PLEKHM2: variants seen among roughly 807,000 people sequenced by gnomAD.
The protein encoded by PLEKHM2 is pleckstrin homology domain-containing family M member 2.
In PLEKHM2, 77 loss-of-function variants were observed where a neutral mutation model predicts 116.3. The observed-to-expected ratio is 0.66, with a 90% CI of 0.55 to 0.80. The LOEUF (loss-of-function observed/expected upper bound fraction) is 0.80. PLEKHM2 is among the 30% of genes least tolerant of loss of function. PLEKHM2 has a pLI of 0.00. For missense variants in PLEKHM2, 1,183 were observed against 1,354.9 expected, an observed-to-expected ratio of 0.87 and a Z score of 1.99; for synonymous variants, 562 against 571.0, an observed-to-expected ratio of 0.98 and a Z score of 0.22.
At chr1:15,710,227 C>CA (rs377012331) in intron 1 of PLEKHM2, among the ~76,000 whole-genome samples, 1,023 of 73,924 alleles carry the variant, frequency 0.014, 4 homozygotes, top group South Asian at 0.022. Context: ...ACTCCATCTC[C>CA]AAAAAAAAAA....
chr1:15,732,071 G>A (rs1002419311), intron 17 of PLEKHM2, 23 bp downstream of exon 17: 8 of 1,601,758 alleles, frequency 5.0e-6, no homozygotes, highest in East Asian at 2.2e-5. Context: ...TGCCCCTACC[G>A]CTCACCTGGC....
intron 7 of PLEKHM2, among the ~76,000 whole-genome samples, chr1:15,722,342 C>A (rs2068006155): frequency 6.6e-6 from 1 of 152,162 alleles, no homozygotes; most frequent in Admixed American, 6.5e-5. Context: ...CAGGGTTTCA[C>A]CATGTTGGCC....
At chr1:15,694,984 C>T in intron 1 of PLEKHM2, among the ~76,000 whole-genome samples, 1 of 152,162 alleles carries the variant, frequency 6.6e-6, no homozygotes, top group East Asian at 1.9e-4. Flanking sequence ...TCTTGAACTT[C>T]TGACATCAAG....
chr1:15,707,705 T>A (rs566931146), intron 1 of PLEKHM2, among the ~76,000 whole-genome samples: 5 of 152,298 alleles, frequency 3.3e-5, no homozygotes, highest in African/African-American at 9.6e-5. Context: ...GCAGCTTTTT[T>A]TAAAACTGAC....
At chr1:15,708,551 C>T (rs529260430) in intron 1 of PLEKHM2, among the ~76,000 whole-genome samples, 4 of 152,202 alleles carry the variant, frequency 2.6e-5, no homozygotes, top group Admixed American at 6.6e-5. Context: ...TCCCCTAAAA[C>T]GTATTAGGAG....
intron 1 of PLEKHM2, among the ~76,000 whole-genome samples, chr1:15,700,383 G>A (rs753695908): frequency 7.4e-4 from 112 of 152,276 alleles, no homozygotes; most frequent in South Asian, 2.5e-3. Context: ...AGCTACCCCT[G>A]TGTGTGAGCA....
rs1227182422 is a variant in PLEKHM2 at position 15,721,565 on chromosome 1, A to G, written c.712+177A>G. On this transcript the variant is annotated intron_variant, in intron 7 of 19. Transcript: ENST00000375799. The surrounding 1 kb of genome is among the most constrained non-coding windows in gnomAD (Gnocchi z 5.1). Reference sequence around the variant, plus strand: ...CAGTGGGAAAACTCAACCTCTAGCCATAGGCAAATCCCTTCTCCCAGTGCA... The same window carrying G: ...CAGTGGGAAAACTCAACCTCTAGCCGTAGGCAAATCCCTTCTCCCAGTGCA... 6.6e-6 allele frequency among the ~76,000 whole-genome samples: 1 copy of G among 152,218 alleles called. No homozygotes were observed. Among genetic ancestry groups the G allele is most frequent in the African/African-American group, 2.4e-5 (1 of 41,460 alleles).
At chr1:15,708,378 G>A (rs1022434738) in intron 1 of PLEKHM2, among the ~76,000 whole-genome samples, 13 of 150,590 alleles carry the variant, frequency 8.6e-5, no homozygotes, top group African/African-American at 1.5e-4. Flanking sequence ...CACCACGCCC[G>A]GCTAATTTTT....
rs1287286011 is a variant in PLEKHM2, at chr1:15,716,222, T to G, written c.61-15T>G. The G allele has an allele frequency of 1.4e-6, 2 of 1,470,276 alleles. No individual in the cohort carries two copies. Among genetic ancestry groups the G allele is most frequent in the Admixed American group, 3.9e-5 (2 of 50,698 alleles). 91.1% of individuals were successfully genotyped at this position (1,470,276 alleles called of 1,614,324 possible). A position where few individuals can be genotyped will look rare whatever the true frequency, so the allele number is the denominator to read the frequency against. ...TAATCCATTTCTGATTTGGAGGTGTTTTTTTTTCTTTCAGTTGCAGAGCTA... is the reference window on the plus strand; with the variant it reads ...TAATCCATTTCTGATTTGGAGGTGTGTTTTTTTCTTTCAGTTGCAGAGCTA... On this transcript the variant is annotated splice_polypyrimidine_tract_variant and intron_variant, in intron 1 of 19. Coordinates refer to ENST00000375799, the MANE Select transcript of PLEKHM2 (RefSeq NM_015164.4).
At chr1:15,703,820 G>C (rs1339889215) in intron 1 of PLEKHM2, among the ~76,000 whole-genome samples, 1 of 152,172 alleles carries the variant, frequency 6.6e-6, no homozygotes, top group Non-Finnish European at 1.5e-5. Context: ...AGCCTTCCCA[G>C]AGCGCCTGGG....
chr1:15,721,653 A>C lies in PLEKHM2; in HGVS notation c.712+265A>C, dbSNP rs1416140406. On this transcript the variant is annotated intron_variant, in intron 7 of 19. Transcript: ENST00000375799. The surrounding 1 kb of genome is among the most constrained non-coding windows in gnomAD (Gnocchi z 5.1). ...TAAGTGGCTGCATTTCGGGGGATACAGGGTCACCCTTCCTGATTCCAGTGC... is the reference window on the plus strand; with the variant it reads ...TAAGTGGCTGCATTTCGGGGGATACCGGGTCACCCTTCCTGATTCCAGTGC... 1.3e-5 allele frequency among the ~76,000 whole-genome samples: 2 copies of C among 151,978 alleles called. No individual in the cohort carries two copies. Among genetic ancestry groups the C allele is most frequent in the Non-Finnish European group, 2.9e-5 (2 of 67,988 alleles).
rs182286239 is a variant in PLEKHM2, at chr1:15,719,426, G to A, written c.466-308G>A. On this transcript the variant is annotated intron_variant, in intron 5 of 19. Coordinates refer to ENST00000375799, the MANE Select transcript of PLEKHM2 (RefSeq NM_015164.4). This position sits in a 1 kb window ranked among gnomAD's most constrained non-coding sequence, Gnocchi z 4.1. ...GAGCCACGTCATTGCACTCCAGCCA[G>A]GGCAACAGAGTGAGACTCTGTCTCA... Among the ~76,000 whole-genome samples, 62 of 149,454 alleles carry A rather than the reference G, an allele frequency of 4.1e-4. No homozygotes were observed. Among genetic ancestry groups the A allele is most frequent in the African/African-American group, 1.4e-3 (57 of 39,448 alleles).
Position 15,729,732 on chromosome 1 carries a change from C to T in PLEKHM2, c.2076-65C>T, listed in dbSNP as rs1192348936. The T allele has an allele frequency of 1.4e-6, 2 of 1,466,480 alleles. No individual in the cohort carries two copies. Among genetic ancestry groups the T allele is most frequent in the African/African-American group, 1.4e-5 (1 of 71,044 alleles). The allele number at this position is 1,466,480 out of a possible 1,614,324, so 90.8% of individuals were successfully genotyped here. ...CCCTCCAGGCCAGCAGCGCTCAAGA[C>T]TAAGCCCTGTCCAGTTGAGGCCCTG... is the stretch of plus-strand genomic sequence containing the variant. On this transcript the variant is annotated intron_variant, in intron 13 of 19. Transcript: ENST00000375799. The surrounding 1 kb of genome is among the most constrained non-coding windows in gnomAD (Gnocchi z 4.7).
chr1:15,718,975 G>A (rs1641504413), intron 5 of PLEKHM2, among the ~76,000 whole-genome samples: 1 of 152,142 alleles, frequency 6.6e-6, no homozygotes, highest in Non-Finnish European at 1.5e-5. Flanking sequence ...GGTGCTTCTG[G>A]GGTTCTGAAA....
chr1:15,725,506 TGGACCCGCC>T lies in PLEKHM2; in HGVS notation c.906_914del (p.Pro303_Asp305del). 6.3e-7 allele frequency: 1 copy of T among 1,577,064 alleles called. No individual in the cohort carries two copies. Among genetic ancestry groups the T allele is most frequent in the Non-Finnish European group, 8.6e-7 (1 of 1,162,370 alleles). On this transcript the variant is annotated inframe_deletion, in exon 8 of 20. Coordinates refer to ENST00000375799, the MANE Select transcript of PLEKHM2 (RefSeq NM_015164.4). ...CAGGAGAAGGAGGAGGCCCAGGCCC[TGGACCCGCC>T]GGATGCCTGCACGGAGCTCGAGGTC...
In PLEKHM2 at chr1:15,725,495, G is replaced by C. The variant is rs61738982; in HGVS notation, c.891G>C (p.Glu297Asp). Residue 297 changes from glutamate (E) to aspartate (D), a missense_variant, in exon 8 of 20, where the codon GAG becomes GAC. Physicochemically the swap from Glu to Asp is conservative, Grantham distance 45. Transcript: ENST00000375799. Reference protein sequence around the residue: ...PVHTTSQEKEEAQALDPPDAC... With the variant: ...PVHTTSQEKEDAQALDPPDAC... ...ACACCACCTCTCAGGAGAAGGAGGAGGCCCAGGCCCTGGACCCGCCGGATG... is the reference window on the plus strand; with the variant it reads ...ACACCACCTCTCAGGAGAAGGAGGACGCCCAGGCCCTGGACCCGCCGGATG... The C allele has an allele frequency of 4.2e-3, 6,690 of 1,580,838 alleles. 29 individuals carry two copies. The highest frequency in any genetic ancestry group is 4.7e-3 in the Non-Finnish European group (5,529 of 1,164,348).
chr1:15,691,226 C>T (rs994286680), intron 1 of PLEKHM2, among the ~76,000 whole-genome samples: 6 of 152,164 alleles, frequency 3.9e-5, no homozygotes, highest in African/African-American at 1.2e-4. Context: ...TATGCCACCA[C>T]GTCCAGCTAA....
Position 15,727,216 on chromosome 1 carries a change from A to G in PLEKHM2, c.1144A>G (p.Thr382Ala). 1 of 1,607,054 alleles carries G rather than the reference A, an allele frequency of 6.2e-7. No homozygotes were observed. Among genetic ancestry groups the G allele is most frequent in the Non-Finnish European group, 8.5e-7 (1 of 1,177,806 alleles). Residue 382 changes from threonine to alanine, a missense_variant, in exon 9 of 20, where the codon ACC (threonine) becomes GCC (alanine). Physicochemically the swap from Thr to Ala is moderately conservative, Grantham distance 58. Transcript: ENST00000375799. This position sits in a 1 kb window ranked among gnomAD's most constrained non-coding sequence, Gnocchi z 7.5. ...PQEEGEGPSS[T>A]TESSERSEPG... ...GGAGGAGGGAGAGGGGCCGAGCAGC[A>G]CCACGGAGAGCAGCGAGCGCTCCGA... is the stretch of plus-strand genomic sequence containing the variant.
rs1241031451 is a variant in PLEKHM2, at chr1:15,719,663, G to A, written c.466-71G>A. 16 of 1,031,784 alleles carry A rather than the reference G, an allele frequency of 1.6e-5. No individual in the cohort carries two copies. Among genetic ancestry groups the A allele is most frequent in the Non-Finnish European group, 2.4e-5 (16 of 676,028 alleles). 63.9% of individuals were successfully genotyped at this position (1,031,784 alleles called of 1,614,324 possible). The stretch of plus-strand genomic sequence containing the variant: ...GGCACATCTGTGTCTCCCAGGCCTG[G>A]ATCCTGCTGTCTGCAGAAGGCCGCT... On this transcript the variant is annotated intron_variant, in intron 5 of 19. Transcript: ENST00000375799. This position sits in a 1 kb window ranked among gnomAD's most constrained non-coding sequence, Gnocchi z 4.1.
Sources: allele counts gnomAD v4.1 joint callset (sites outside exome capture counted in the v4.1 genomes callset), GRCh38; gene constraint gnomAD v4.1.1; non-coding constraint Gnocchi (gnomAD v3.1); transcripts MANE v1.5; gene names NCBI Gene and HGNC (gene_info 2026-07-23, HGNC 2026-07-21).